Variants in MAGI2 observed in about 807,000 individuals in gnomAD.
The protein encoded by MAGI2 is membrane associated guanylate kinase, WW and PDZ domain containing 2.
A neutral mutation model predicts 133.3 loss-of-function variants in MAGI2; 35 were observed. The observed-to-expected ratio is 0.26, with a 90% CI of 0.20 to 0.35. The LOEUF is 0.35. Ranked by LOEUF, MAGI2 falls within the 10% of genes least tolerant of loss-of-function variation. The pLI is 1.00. For synonymous variants in MAGI2, 729 were observed against 710.6 expected (o/e 1.03, Z -0.41); for missense variants, 1,636 against 1,863.4 (o/e 0.88, Z 2.25).
At chr7:78,127,918 G>A (rs549650637) in intron 18 of MAGI2, among the ~76,000 whole-genome samples, 8 of 152,160 alleles carry the variant, frequency 5.3e-5, no homozygotes, top group African/African-American at 1.4e-4. Flanking sequence ...ACAATCAAAG[G>A]CTATTTTAAC....
chr7:78,281,760 T>TTATCCTGAGGTATTTTCCAGGTGATAC lies in MAGI2; in HGVS notation c.1409-25180_1409-25179insGTATCACCTGGAAAATACCTCAGGATA, dbSNP rs1795609937. On this transcript the variant is annotated intron_variant, in intron 9 of 21. Transcript: ENST00000354212. ...ATCCTGAGGTATTTTCCAGGTGATA[T>TTATCCTGAGGTATTTTCCAGGTGATAC]TTAACCAACTTATCTCCATCAAGAG... is the stretch of plus-strand genomic sequence containing the variant. Among the ~76,000 whole-genome samples, 3 of 148,846 alleles carry TTATCCTGAGGTATTTTCCAGGTGATAC rather than the reference T, an allele frequency of 2.0e-5. No homozygotes were observed. In the South Asian group the frequency reaches 6.7e-4, roughly 33 times the overall value.
intron 14 of MAGI2, among the ~76,000 whole-genome samples, chr7:78,175,427 C>G (rs1826498610): frequency 6.6e-6 from 1 of 152,092 alleles, no homozygotes; most frequent in African/African-American, 2.4e-5. Context: ...GAGACTCCAT[C>G]TGTCCTAGGC....
intron 15 of MAGI2, among the ~76,000 whole-genome samples, chr7:78,167,690 T>A (rs552997510): frequency 2.1e-4 from 32 of 152,348 alleles, no homozygotes; most frequent in African/African-American, 7.5e-4. Flanking sequence ...CTAGAAATTT[T>A]TAATGAATAC....
rs1827475851 is a variant in MAGI2, at chr7:78,184,295, T to C, written c.2311+1334A>G. 3 of 152,354 alleles carry C rather than the reference T, an allele frequency of 2.0e-5. No homozygotes were observed. In the South Asian group the frequency reaches 6.2e-4, roughly 32 times the overall value. 9.4% of individuals were successfully genotyped at this position (152,354 alleles called of 1,614,324 possible). On this transcript the variant is annotated intron_variant, in intron 13 of 21. Coordinates refer to ENST00000354212, the MANE Select transcript of MAGI2 (RefSeq NM_012301.4). ...AATTGCAAAGATTTAGCAGCCAGTATAGAGGAATAATCATGCTGTAAAATT... is the reference window on the plus strand; with the variant it reads ...AATTGCAAAGATTTAGCAGCCAGTACAGAGGAATAATCATGCTGTAAAATT...
chr7:78,567,414 A>ACC (rs780621143), intron 3 of MAGI2, among the ~76,000 whole-genome samples: 2 of 151,974 alleles, frequency 1.3e-5, no homozygotes, highest in Non-Finnish European at 2.9e-5. Flanking sequence ...ACACACACAC[A>ACC]CACACAACCG....
At chr7:78,751,366 G>A (rs1823439791) in intron 2 of MAGI2, among the ~76,000 whole-genome samples, 1 of 152,130 alleles carries the variant, frequency 6.6e-6, no homozygotes, top group African/African-American at 2.4e-5. Context: ...CTTGGAAATG[G>A]ACAAACACGT....
intron 21 of MAGI2, among the ~76,000 whole-genome samples, chr7:78,035,645 C>T (rs893895400): frequency 6.6e-6 from 1 of 152,158 alleles, no homozygotes; most frequent in African/African-American, 2.4e-5. Flanking sequence ...ACAGCATCAT[C>T]CTATCAGGCC....
intron 2 of MAGI2, among the ~76,000 whole-genome samples, chr7:78,684,205 T>TC (rs1331253367): frequency 3.9e-5 from 6 of 152,186 alleles, no homozygotes; most frequent in Admixed American, 3.3e-4. Context: ...CAATAGATTC[T>TC]CCAAACATAT....
At chr7:78,103,060 A>C (rs536239798) in intron 20 of MAGI2, among the ~76,000 whole-genome samples, 1 of 152,186 alleles carries the variant, frequency 6.6e-6, no homozygotes, top group Admixed American at 6.5e-5. Flanking sequence ...CTCTTTCCTC[A>C]TATCTACCTG....
chr7:78,849,354 C>A (rs1315435497), intron 2 of MAGI2, among the ~76,000 whole-genome samples: 1 of 151,898 alleles, frequency 6.6e-6, no homozygotes, highest in Admixed American at 6.6e-5. Context: ...CAAAGCCAAC[C>A]AACCACCCAA....
rs544072717 is a variant in MAGI2 at position 79,202,681 on chromosome 7, TAAGCTTAGGAA to T, written c.302-195486_302-195476del. On this transcript the variant is annotated intron_variant, in intron 1 of 21. Transcript: ENST00000354212. The stretch of plus-strand genomic sequence containing the variant: ...TGGGAAAATACAAGTAATGACTGCA[TAAGCTTAGGAA>T]ATTGTAATAATCACTTTCTTCCACA... Among the ~76,000 whole-genome samples, 620 of 152,156 alleles carry T rather than the reference TAAGCTTAGGAA, an allele frequency of 4.1e-3. 7 individuals are homozygous for T. Among genetic ancestry groups the T allele is most frequent in the Middle Eastern group, 0.024 (7 of 294 alleles).
At chr7:79,219,684 C>A (rs1830292114) in intron 1 of MAGI2, among the ~76,000 whole-genome samples, 1 of 151,990 alleles carries the variant, frequency 6.6e-6, no homozygotes, top group Non-Finnish European at 1.5e-5. Flanking sequence ...GTTTTGTGCT[C>A]ATTTTTAGAA....
chr7:78,100,340 C>G (rs1446808593), intron 20 of MAGI2, among the ~76,000 whole-genome samples: 1 of 152,040 alleles, frequency 6.6e-6, no homozygotes, highest in Non-Finnish European at 1.5e-5. Flanking sequence ...TGTTCCACAT[C>G]CTCCTTGGGC....
At chr7:79,334,086 A>C (rs527892132) in intron 1 of MAGI2, among the ~76,000 whole-genome samples, 2 of 152,308 alleles carry the variant, frequency 1.3e-5, no homozygotes, top group East Asian at 3.9e-4. Flanking sequence ...CACATCTAGT[A>C]AACACCTTTG....
chr7:79,152,662 C>T (rs1823367694), intron 1 of MAGI2, among the ~76,000 whole-genome samples: 1 of 152,114 alleles, frequency 6.6e-6, no homozygotes, highest in South Asian at 2.1e-4. Flanking sequence ...GGTTCCACTC[C>T]AAATGAATTT....
At chr7:78,682,553 C>T (rs1815799593) in intron 2 of MAGI2, among the ~76,000 whole-genome samples, 1 of 152,120 alleles carries the variant, frequency 6.6e-6, no homozygotes, top group South Asian at 2.1e-4. Flanking sequence ...ATGAACTCAT[C>T]CTTTTTTTGT....
intron 10 of MAGI2, among the ~76,000 whole-genome samples, chr7:78,218,475 T>C (rs1788480547): frequency 1.3e-5 from 2 of 152,258 alleles, no homozygotes; most frequent in South Asian, 2.1e-4. Context: ...TTGTTAATAA[T>C]TGTATTGTTA....
intron 2 of MAGI2, among the ~76,000 whole-genome samples, chr7:78,967,409 T>G (rs994100457): frequency 6.6e-6 from 1 of 152,104 alleles, no homozygotes; most frequent in Non-Finnish European, 1.5e-5. Flanking sequence ...GAGGTCTTTT[T>G]ATTGTGTCAA....
At chr7:78,020,713 T>C (rs949131137) in intron 21 of MAGI2, among the ~76,000 whole-genome samples, 10 of 152,202 alleles carry the variant, frequency 6.6e-5, no homozygotes, top group Non-Finnish European at 1.3e-4. Flanking sequence ...CTGGGTTCTC[T>C]GGAAGTTGGG....
Sources: gnomAD v4.1 joint callset for allele counts (sites outside exome capture counted in the v4.1 genomes callset) on GRCh38, gnomAD v4.1.1 for gene constraint, MANE v1.5 for transcripts, NCBI Gene and HGNC (gene_info 2026-07-23, HGNC 2026-07-21) for gene names.